Variants in ABCC9 observed in about 807,000 individuals in gnomAD.
ABCC9 encodes ATP binding cassette subfamily C member 9.
In ABCC9, 95 loss-of-function variants were observed where a neutral mutation model predicts 188.3. The ratio of observed to expected loss-of-function variants is 0.50; its 90% CI spans 0.43 to 0.60. The LOEUF (loss-of-function observed/expected upper bound fraction) is 0.60, where lower values mean the gene tolerates loss of function less well. ABCC9 is among the 20% of genes least tolerant of loss of function. ABCC9 has a pLI of 0.00. For missense variants in ABCC9, 1,102 were observed against 1,876.3 expected, an observed-to-expected ratio of 0.59 and a Z score of 7.62; for synonymous variants, 659 against 652.7, an observed-to-expected ratio of 1.01 and a Z score of -0.15.
chr12:21,831,584 G>A (rs1943760861), intron 30 of ABCC9, among the ~76,000 whole-genome samples: 1 of 152,140 alleles, frequency 6.6e-6, no homozygotes, highest in African/African-American at 2.4e-5. Context: ...GCACCAAGCA[G>A]AGGATCAGCA....
intron 31 of ABCC9, among the ~76,000 whole-genome samples, chr12:21,824,162 T>A (rs1383186844): frequency 6.6e-6 from 1 of 152,222 alleles, no homozygotes; most frequent in Non-Finnish European, 1.5e-5. Flanking sequence ...TGAGATACGT[T>A]CCATTGATAT....
At chr12:21,844,332 C>T in intron 28 of ABCC9, 151 bp downstream of exon 28, 2 of 659,422 alleles carry the variant, frequency 3.0e-6, no homozygotes, top group Non-Finnish European at 5.4e-6. Flanking sequence ...TTCTAGATAT[C>T]ATTTGCATGT....
chr12:21,905,467 G>C (rs1048941668), intron 12 of ABCC9, among the ~76,000 whole-genome samples: 2 of 151,728 alleles, frequency 1.3e-5, no homozygotes, highest in Non-Finnish European at 2.9e-5. Flanking sequence ...TAGCGATTGA[G>C]AGTTACTATA....
chr12:21,858,339 A>G (rs1419223338), intron 22 of ABCC9, among the ~76,000 whole-genome samples: 1 of 151,860 alleles, frequency 6.6e-6, no homozygotes, highest in African/African-American at 2.4e-5. Flanking sequence ...TTTGGGAGGT[A>G]GAGGCAGGTG....
intron 12 of ABCC9, among the ~76,000 whole-genome samples, chr12:21,895,668 C>T (rs889949989): frequency 6.6e-6 from 1 of 152,038 alleles, no homozygotes; most frequent in African/African-American, 2.4e-5. Flanking sequence ...TTGTTTAGTC[C>T]ACTAAACTAA....
At chr12:21,920,954 C>A (rs1204259907) in intron 5 of ABCC9, among the ~76,000 whole-genome samples, 1 of 151,934 alleles carries the variant, frequency 6.6e-6, no homozygotes, top group East Asian at 1.9e-4. Flanking sequence ...ATCACAGTTT[C>A]TTTATCCATT....
chr12:21,893,061 A>G (rs923052739), intron 14 of ABCC9, among the ~76,000 whole-genome samples: 8 of 152,214 alleles, frequency 5.3e-5, no homozygotes, highest in Non-Finnish European at 8.8e-5. Flanking sequence ...AAGAGCATAT[A>G]TCTAAAAAGA....
chr12:21,828,583 A>G, intron 31 of ABCC9: 1 of 308,016 alleles, frequency 3.2e-6, no homozygotes, highest in Non-Finnish European at 6.3e-6. Context: ...CTTAAAACGT[A>G]GAAAGTTGCC....
rs1290735087 is a variant in ABCC9 at position 21,798,760 on chromosome 12, T to G, written c.*2284A>C. On this transcript the variant is annotated 3_prime_UTR_variant, in exon 40 of 40. Coordinates refer to ENST00000261200, the MANE Select transcript of ABCC9 (RefSeq NM_020297.4). ...TCCCATTACTGGGTATATACCCAAA[T>G]GACTATAAATCATGCTGCTATAAAG... 28 of 149,278 alleles carry G rather than the reference T, an allele frequency of 1.9e-4. No individual in the cohort carries two copies. Among genetic ancestry groups the G allele is most frequent in the Non-Finnish European group, 3.0e-4 (20 of 67,300 alleles). 9.2% of individuals were successfully genotyped at this position (149,278 alleles called of 1,614,324 possible).
chr12:21,863,191 A>T, intron 19 of ABCC9, 137 bp from the exon 20 acceptor site: 1 of 641,910 alleles, frequency 1.6e-6, no homozygotes, highest in Non-Finnish European at 2.7e-6. Context: ...TAAAAGAGAA[A>T]AATTTAAAGA....
intron 3 of ABCC9, among the ~76,000 whole-genome samples, chr12:21,935,326 C>T (rs975341022): frequency 1.3e-5 from 2 of 152,106 alleles, no homozygotes; most frequent in Non-Finnish European, 2.9e-5. Flanking sequence ...TACATATGGC[C>T]ATTCTGGTCT....
At chr12:21,915,237 G>A (rs1355049723) in intron 7 of ABCC9, among the ~76,000 whole-genome samples, 1 of 105,526 alleles carries the variant, frequency 9.5e-6, no homozygotes, top group Non-Finnish European at 2.0e-5. Flanking sequence ...GTGTGTGTGT[G>A]TGTGTGTGTG....
intron 36 of ABCC9, among the ~76,000 whole-genome samples, chr12:21,810,173 A>T (rs887084830): frequency 2.0e-5 from 3 of 152,200 alleles, no homozygotes; most frequent in African/African-American, 7.2e-5. Flanking sequence ...TTGTCTTGAT[A>T]TCATTATAAA....
At chr12:21,858,179 C>T (rs1945325837) in intron 22 of ABCC9, among the ~76,000 whole-genome samples, 1 of 152,136 alleles carries the variant, frequency 6.6e-6, no homozygotes, top group African/African-American at 2.4e-5. Flanking sequence ...CAGGGGACCT[C>T]AGTCCCTTTC....
chr12:21,860,101 A>AC (rs397794372), intron 21 of ABCC9, among the ~76,000 whole-genome samples: 2 of 151,646 alleles, frequency 1.3e-5, no homozygotes, highest in African/African-American at 4.9e-5. Flanking sequence ...TAAAAAAAAA[A>AC]CTAGTATTAA....
At chr12:21,810,753 T>A (rs561819022) in intron 36 of ABCC9, among the ~76,000 whole-genome samples, 59 of 152,302 alleles carry the variant, frequency 3.9e-4, no homozygotes, top group African/African-American at 1.4e-3. Context: ...CAAGTAGTAT[T>A]CATAATAAAT....
chr12:21,806,715 C>T (rs1941874266), intron 38 of ABCC9, among the ~76,000 whole-genome samples: 1 of 152,128 alleles, frequency 6.6e-6, no homozygotes, highest in Non-Finnish European at 1.5e-5. Context: ...ATTTTAATAT[C>T]AAGTTAACTT....
At chr12:21,887,265 GA>G (rs951730171) in intron 15 of ABCC9, among the ~76,000 whole-genome samples, 1 of 152,074 alleles carries the variant, frequency 6.6e-6, no homozygotes, top group African/African-American at 2.4e-5. Flanking sequence ...ATGGATAAAT[GA>G]ACTGGTCTAC....
chr12:21,916,734 T>C (rs1043320252), intron 6 of ABCC9, among the ~76,000 whole-genome samples: 1 of 152,192 alleles, frequency 6.6e-6, no homozygotes, highest in Non-Finnish European at 1.5e-5. Flanking sequence ...TATTTGTGAA[T>C]GAATAAATAG....
Sources: allele counts gnomAD v4.1 joint callset (sites outside exome capture counted in the v4.1 genomes callset), GRCh38; gene constraint gnomAD v4.1.1; transcripts MANE v1.5; gene names NCBI Gene and HGNC (gene_info 2026-07-23, HGNC 2026-07-21).